Variants in GBP4 observed in about 807,000 individuals in gnomAD.
GBP4 encodes the protein guanylate binding protein 4, also known as guanylate-binding protein 4.
Under a neutral mutation model 62.2 loss-of-function variants are expected in GBP4, and 69 were observed. The observed-to-expected ratio is 1.11, with a 90% CI of 0.91 to 1.36. The LOEUF (loss-of-function observed/expected upper bound fraction) is 1.36. GBP4 is among the 40% of genes most tolerant of loss of function. The pLI is 0.00. For synonymous variants in GBP4, 278 were observed against 274.6 expected (o/e 1.01, Z -0.12); for missense variants, 697 against 759.3 (o/e 0.92, Z 0.96).
intron 3 of GBP4, among the ~76,000 whole-genome samples, chr1:89,194,542 T>C (rs1384065607): frequency 6.6e-6 from 1 of 152,176 alleles, no homozygotes; most frequent in African/African-American, 2.4e-5. Flanking sequence ...CTCCCTTTTT[T>C]CAATAATGGA....
intron 5 of GBP4, among the ~76,000 whole-genome samples, chr1:89,192,090 C>A (rs962239863): frequency 6.6e-6 from 1 of 152,130 alleles, no homozygotes; most frequent in Non-Finnish European, 1.5e-5. Context: ...ACTTGGAGAC[C>A]TCACCACCTT....
chr1:89,196,096 AT>A (rs1648329559), intron 2 of GBP4, among the ~76,000 whole-genome samples: 1 of 152,194 alleles, frequency 6.6e-6, no homozygotes. Flanking sequence ...ACAAAGGAAG[AT>A]TTTGTACATG....
intron 7 of GBP4, 76 bp downstream of exon 7, chr1:89,189,962 C>A: frequency 1.4e-6 from 2 of 1,423,990 alleles, no homozygotes; most frequent in East Asian, 4.6e-5. Flanking sequence ...AGGAGATGAA[C>A]CATGGGGTCA....
chr1:89,197,022 C>T, intron 2 of GBP4, 88 bp downstream of exon 2: 10 of 1,094,140 alleles, frequency 9.1e-6, no homozygotes, highest in South Asian at 1.9e-5. Context: ...AAGTCATGCC[C>T]TTCTTTAGGA....
intron 1 of GBP4, among the ~76,000 whole-genome samples, chr1:89,197,838 A>G (rs1183542290): frequency 1.3e-5 from 2 of 152,126 alleles, no homozygotes; most frequent in East Asian, 1.9e-4. Context: ...AATTGATACA[A>G]ACTTCTGCCT....
chr1:89,197,222 C>T lies in GBP4; in HGVS notation c.123G>A (p.Lys41=). The T allele has an allele frequency of 1.2e-6, 2 of 1,614,114 alleles. No homozygotes were observed. Among genetic ancestry groups the T allele is most frequent in the Non-Finnish European group, 8.5e-7 (1 of 1,180,008 alleles). Reference sequence around the variant, plus strand: ...AAATCTTGTCAAGAATCTCTAATGCCTTTGAATTCACTGTCAGCTGCTCTT... The same window carrying T: ...AAATCTTGTCAAGAATCTCTAATGCTTTTGAATTCACTGTCAGCTGCTCTT... ...NQEEQLTVNS[K]ALEILDKISQ... is the part of the protein sequence containing the mutation. The change falls in exon 2 of 11, where the codon AAG becomes AAA. Residue 41 remains lysine (K), a synonymous_variant. Coordinates refer to ENST00000355754, the MANE Select transcript of GBP4 (RefSeq NM_052941.5).
Position 89,197,171 on chromosome 1 carries a change from A to G in GBP4, c.174T>C (p.Ile58=). ...ATTTTCCTGTGCGGTATAGCCCTACAATGGCCACCACCACCACGGGCTGAG... is the reference window on the plus strand; with the variant it reads ...ATTTTCCTGTGCGGTATAGCCCTACGATGGCCACCACCACCACGGGCTGAG... ...KISQPVVVVA[I]VGLYRTGKSY... Residue 58 remains isoleucine (I), a synonymous_variant, in exon 2 of 11, where the codon ATT becomes ATC. Transcript: ENST00000355754. 2 of 1,614,100 alleles carry G rather than the reference A, an allele frequency of 1.2e-6. No individual in the cohort carries two copies. Among genetic ancestry groups the G allele is most frequent in the Non-Finnish European group, 1.7e-6 (2 of 1,179,952 alleles).
intron 6 of GBP4, among the ~76,000 whole-genome samples, chr1:89,190,823 C>T (rs1277935275): frequency 6.6e-6 from 1 of 152,002 alleles, no homozygotes; most frequent in Non-Finnish European, 1.5e-5. Flanking sequence ...TGGACGACTA[C>T]ACAGGTTGCA....
chr1:89,198,713 T>C, intron 1 of GBP4, 82 bp downstream of exon 1: 1 of 1,187,508 alleles, frequency 8.4e-7, no homozygotes, highest in Non-Finnish European at 1.3e-6. Context: ...ACCCTCCCCG[T>C]GTGCAGTCTG....
rs1453822364 is a variant in GBP4 at position 89,188,620 on chromosome 1, C to T, written c.1372G>A (p.Glu458Lys). The T allele has an allele frequency of 6.2e-7, 1 of 1,614,204 alleles. No individual in the cohort carries two copies. Among genetic ancestry groups the T allele is most frequent in the South Asian group, 1.1e-5 (1 of 91,084 alleles). Residue 458 changes from glutamate (E) to lysine (K), a missense_variant, in exon 8 of 11, where the codon GAG (glutamate) becomes AAG (lysine). Physicochemically the swap from Glu to Lys is moderately conservative, Grantham distance 56. Transcript: ENST00000355754. ...CTGGGCACTAGCTTATAGTCCCACTCAACCTGTTTCTTTTCTTCTAAGTAG... is the reference window on the plus strand; with the variant it reads ...CTGGGCACTAGCTTATAGTCCCACTTAACCTGTTTCTTTTCTTCTAAGTAG... The part of the protein sequence containing the change: ...NLYLEEKKQV[E>K]WDYKLVPRKG...
chr1:89,197,294 T>G lies in GBP4; in HGVS notation c.51A>C (p.Glu17Asp). ...TGGGGGCCATCATGATGGATTCAGA[T>G]TCTGGATAACCTGTAACCCAGAAAA... ...HAAVPTPGYP[E>D]SESIMMAPIC... The change falls in exon 2 of 11, where the codon GAA (glutamate) becomes GAC (aspartate). Residue 17 changes from glutamate to aspartate, a missense_variant. Around this residue, in one of 2 missense-constraint regions of GBP4, gnomAD observed 556 missense variants for 562.7 expected, o/e 0.99. Coordinates refer to ENST00000355754, the MANE Select transcript of GBP4 (RefSeq NM_052941.5). 6.2e-7 allele frequency: 1 copy of G among 1,613,908 alleles called. No homozygotes were observed. The highest frequency in any genetic ancestry group is 1.7e-5 in the Admixed American group (1 of 60,008).
At chr1:89,194,473 GACCT>G (rs895052295) in intron 3 of GBP4, among the ~76,000 whole-genome samples, 5 of 152,248 alleles carry the variant, frequency 3.3e-5, no homozygotes, top group Non-Finnish European at 7.4e-5. Flanking sequence ...GAATAATTCA[GACCT>G]TTAATACTGA....
intron 3 of GBP4, among the ~76,000 whole-genome samples, chr1:89,193,878 T>C (rs1289623714): frequency 6.6e-6 from 1 of 152,156 alleles, no homozygotes; most frequent in Non-Finnish European, 1.5e-5. Flanking sequence ...CAGATAAACA[T>C]GTCAATATAC....
intron 10 of GBP4, among the ~76,000 whole-genome samples, chr1:89,185,906 A>T (rs1027946093): frequency 1.6e-4 from 24 of 152,254 alleles, no homozygotes; most frequent in African/African-American, 5.8e-4. Context: ...AATCAGGCAG[A>T]TACAGAAACA....
At position 89,183,196 on chromosome 1, in the gene GBP4, A is replaced by C. The variant is rs974181917; in HGVS notation, c.*2058T>G. The C allele has an allele frequency of 3.3e-5, 5 of 152,228 alleles. No individual in the cohort carries two copies. Among genetic ancestry groups the C allele is most frequent in the Non-Finnish European group, 7.3e-5 (5 of 68,046 alleles). 9.4% of individuals were successfully genotyped at this position (152,228 alleles called of 1,614,324 possible). Reference sequence around the variant, plus strand: ...CAAAACAGCATGGTATTAGTAGAAAAACAGACACACAGATAAATGGAACAT... The same window carrying C: ...CAAAACAGCATGGTATTAGTAGAAACACAGACACACAGATAAATGGAACAT... On this transcript the variant is annotated 3_prime_UTR_variant, in exon 11 of 11. Coordinates refer to ENST00000355754, the MANE Select transcript of GBP4 (RefSeq NM_052941.5).
At chr1:89,190,397 A>C in intron 6 of GBP4, 79 bp from the exon 7 acceptor site, 2 of 1,290,906 alleles carry the variant, frequency 1.5e-6, no homozygotes, top group Non-Finnish European at 2.1e-6. Context: ...CATTCTAAAA[A>C]TTACAAAAAT....
At chr1:89,193,124 T>G in intron 4 of GBP4, 24 bp from the exon 5 acceptor site, 1 of 1,609,516 alleles carries the variant, frequency 6.2e-7, no homozygotes, top group Non-Finnish European at 8.5e-7. Flanking sequence ...TAAGGAAGGA[T>G]AGCACCCTAC....
Position 89,188,788 on chromosome 1 carries a change from T to C in GBP4, c.1204A>G (p.Ile402Val). The C allele has an allele frequency of 6.2e-7, 1 of 1,614,184 alleles. No homozygotes were observed. Among genetic ancestry groups the C allele is most frequent in the Non-Finnish European group, 8.5e-7 (1 of 1,180,026 alleles). Residue 402 changes from isoleucine to valine, a missense_variant, in exon 8 of 11, where the codon ATA becomes GTA. Ile to Val is a conservative substitution (Grantham distance 29). This residue lies in a region of GBP4 where 556 missense variants were observed against 562.7 expected (regional missense o/e 0.99). Transcript: ENST00000355754. The part of the protein sequence containing the change: ...HEFQKKLVDT[I>V]EKKKGDFVLQ... ...ACAAAGTCTCCCTTCTTTTTCTCTA[T>C]GGTGTCCTGCCAGAAAAATGTAGAG...
At chr1:89,189,834 C>T (rs1034423535) in intron 7 of GBP4, among the ~76,000 whole-genome samples, 8 of 152,066 alleles carry the variant, frequency 5.3e-5, no homozygotes, top group African/African-American at 1.7e-4. Flanking sequence ...CTGCTAAACT[C>T]ATGATAATTT....
Sources: allele counts gnomAD v4.1 joint callset (sites outside exome capture counted in the v4.1 genomes callset), GRCh38; gene constraint gnomAD v4.1.1; regional missense constraint gnomAD v4.1.1; transcripts MANE v1.5; gene names NCBI Gene and HGNC (gene_info 2026-07-23, HGNC 2026-07-21).